The following RELN variants were observed in gnomAD, a reference collection of about 807,000 sequenced individuals.
The protein encoded by RELN is reelin.
Under a neutral mutation model 427.6 loss-of-function variants are expected in RELN, and 108 were observed. The ratio of observed to expected loss-of-function variants is 0.25; its 90% CI spans 0.22 to 0.30. The LOEUF (loss-of-function observed/expected upper bound fraction) is 0.30, where lower values mean the gene tolerates loss of function less well. Among genes scored for constraint, RELN ranks in the 10% least tolerant of loss-of-function variants. The pLI is 1.00. For synonymous variants in RELN, 1,524 were observed against 1,513.4 expected (o/e 1.01, Z -0.16); for missense variants, 3,715 against 4,302.8 (o/e 0.86, Z 3.82).
chr7:103,909,836 T>A (rs1473679451), intron 2 of RELN, among the ~76,000 whole-genome samples: 5 of 36,962 alleles, frequency 1.4e-4, no homozygotes, highest in Non-Finnish European at 2.7e-4. Context: ...TATATATATT[T>A]AATATATATA....
Position 103,631,286 on chromosome 7 carries a change from C to CTTTTTTTTTTTTT in RELN, c.2466-1123_2466-1111dup, listed in dbSNP as rs545808640. ...CAGAAATAAAACTTTAAAAACACTT[C>CTTTTTTTTTTTTT]TTTTTTTTTTTTTTTTTTTTTTTTT... On this transcript the variant is annotated intron_variant, in intron 19 of 64. Coordinates refer to ENST00000428762, the MANE Select transcript of RELN (RefSeq NM_005045.4). 4.9e-4 allele frequency among the ~76,000 whole-genome samples: 38 copies of CTTTTTTTTTTTTT among 77,810 alleles called. 3 individuals carry two copies. The highest frequency in any genetic ancestry group is 6.5e-4 in the African/African-American group (13 of 20,030). The allele number at this position is 77,810 out of a possible 152,430, so 51.0% of individuals were successfully genotyped here. A position where few individuals can be genotyped will look rare whatever the true frequency, so the allele number is the denominator to read the frequency against.
intron 10 of RELN, among the ~76,000 whole-genome samples, chr7:103,696,119 T>C (rs928818630): frequency 6.6e-6 from 1 of 152,160 alleles, no homozygotes; most frequent in Non-Finnish European, 1.5e-5. Context: ...ATTCTCGATC[T>C]TTCTATTCTA....
intron 10 of RELN, among the ~76,000 whole-genome samples, chr7:103,692,763 T>C (rs1313290492): frequency 6.6e-6 from 1 of 151,768 alleles, no homozygotes; most frequent in Non-Finnish European, 1.5e-5. Context: ...GAATGACCAG[T>C]GGAAAAAGAG....
At chr7:103,830,623 T>C (rs980380090) in intron 3 of RELN, among the ~76,000 whole-genome samples, 4 of 151,914 alleles carry the variant, frequency 2.6e-5, no homozygotes, top group African/African-American at 9.7e-5. Context: ...CTCTTATATA[T>C]AGCTCTACTC....
At chr7:103,579,704 A>G (rs1831086585) in intron 28 of RELN, among the ~76,000 whole-genome samples, 1 of 151,948 alleles carries the variant, frequency 6.6e-6, no homozygotes, top group Admixed American at 6.6e-5. Flanking sequence ...AAAGAAGAAG[A>G]TATCATTCTT....
At chr7:103,939,832 C>T (rs1038435067) in intron 1 of RELN, among the ~76,000 whole-genome samples, 1 of 152,078 alleles carries the variant, frequency 6.6e-6, no homozygotes, top group South Asian at 2.1e-4. Flanking sequence ...GAGATACATA[C>T]TAATGTGGTA....
chr7:103,781,864 G>A (rs1049077854), intron 3 of RELN, among the ~76,000 whole-genome samples: 1 of 151,538 alleles, frequency 6.6e-6, no homozygotes, highest in African/African-American at 2.4e-5. Context: ...TCTCTCGGGG[G>A]GAAGGTCCAT....
At chr7:103,882,799 C>T (rs1210882723) in intron 2 of RELN, among the ~76,000 whole-genome samples, 2 of 152,114 alleles carry the variant, frequency 1.3e-5, no homozygotes, top group Non-Finnish European at 2.9e-5. Context: ...GCAGTAATAG[C>T]CTACCAGCCA....
intron 6 of RELN, among the ~76,000 whole-genome samples, chr7:103,739,859 G>GT (rs1222442337): frequency 4.6e-5 from 7 of 152,144 alleles, no homozygotes; most frequent in Non-Finnish European, 1.0e-4. Flanking sequence ...GCACACCAGA[G>GT]TACAGCACAG....
At chr7:103,651,914 T>C (rs1832924806) in intron 14 of RELN, 125 bp from the exon 15 acceptor site, 4 of 975,118 alleles carry the variant, frequency 4.1e-6, no homozygotes, top group Non-Finnish European at 6.2e-6. Context: ...TTTTTAAAGA[T>C]GCTGTTTCCT....
intron 2 of RELN, among the ~76,000 whole-genome samples, chr7:103,853,825 GT>G (rs1461859450): frequency 3.3e-5 from 5 of 151,966 alleles, no homozygotes; most frequent in Non-Finnish European, 7.4e-5. Flanking sequence ...TGATAAAAAA[GT>G]TTACTAATAG....
intron 8 of RELN, among the ~76,000 whole-genome samples, chr7:103,713,835 A>G (rs1789865791): frequency 6.6e-6 from 1 of 152,182 alleles, no homozygotes; most frequent in African/African-American, 2.4e-5. Context: ...TATCCAGATT[A>G]CCAATAGTTT....
chr7:103,926,909 T>G (rs975835484), intron 1 of RELN, among the ~76,000 whole-genome samples: 1 of 152,146 alleles, frequency 6.6e-6, no homozygotes, highest in East Asian at 1.9e-4. Flanking sequence ...CCTCCCAAAG[T>G]GCTGGGATTA....
At chr7:103,907,009 A>G (rs1265676442) in intron 2 of RELN, among the ~76,000 whole-genome samples, 1 of 152,172 alleles carries the variant, frequency 6.6e-6, no homozygotes, top group African/African-American at 2.4e-5. Flanking sequence ...ACTGCCAAAT[A>G]TCCATCCACT....
chr7:103,727,597 T>A (rs1031270173), intron 7 of RELN, among the ~76,000 whole-genome samples: 19 of 152,314 alleles, frequency 1.2e-4, no homozygotes, highest in African/African-American at 4.1e-4. Context: ...ATAATCTGCT[T>A]CTAAGTAATT....
Position 103,833,581 on chromosome 7 carries a change from G to A in RELN, c.429C>T (p.Phe143=), listed in dbSNP as rs755809338. Residue 143 remains phenylalanine, a synonymous_variant, in exon 3 of 65, where the codon TTC becomes TTT. Coordinates refer to ENST00000428762, the MANE Select transcript of RELN (RefSeq NM_005045.4). Reference sequence around the variant, plus strand: ...TGCCCGCAGGTGGAGCAATCCAGATGAAACTGAGGTTGGTTGTGGGCAGGT... The same window carrying A: ...TGCCCGCAGGTGGAGCAATCCAGATAAAACTGAGGTTGGTTGTGGGCAGGT... The part of the protein sequence containing the change: ...VSHLPTTNLS[F]IWIAPPAGTG... 7 of 1,613,892 alleles carry A rather than the reference G, an allele frequency of 4.3e-6. No individual in the cohort carries two copies. In the East Asian group the frequency reaches 1.6e-4, roughly 36 times the overall value.
intron 28 of RELN, among the ~76,000 whole-genome samples, chr7:103,588,087 T>C (rs1431682507): frequency 1.3e-5 from 2 of 152,280 alleles, no homozygotes; most frequent in African/African-American, 4.8e-5. Context: ...ACCTGCACTT[T>C]CGTGTTTATT....
At chr7:103,717,782 GA>G (rs933944614) in intron 8 of RELN, among the ~76,000 whole-genome samples, 3 of 149,520 alleles carry the variant, frequency 2.0e-5, no homozygotes, top group Admixed American at 6.7e-5. Context: ...AGTGATTCTG[GA>G]AAAAAAAATG....
At chr7:103,970,964 T>A (rs773658227) in intron 1 of RELN, among the ~76,000 whole-genome samples, 6 of 152,126 alleles carry the variant, frequency 3.9e-5, no homozygotes, top group Admixed American at 2.0e-4. Flanking sequence ...GAGACCAGCC[T>A]GGCCAGCGTG....
Sources: allele counts gnomAD v4.1 joint callset (sites outside exome capture counted in the v4.1 genomes callset), GRCh38; gene constraint gnomAD v4.1.1; transcripts MANE v1.5; gene names NCBI Gene and HGNC (gene_info 2026-07-23, HGNC 2026-07-21).